DMD: variants seen among roughly 807,000 people sequenced by gnomAD.
DMD encodes the protein dystrophin, also known as mutant dystrophin.
In DMD, 63 loss-of-function variants were observed where a neutral mutation model predicts 330.1. The observed-to-expected ratio is 0.19, with a 90% CI of 0.16 to 0.24. The LOEUF (loss-of-function observed/expected upper bound fraction) is 0.24. Among genes scored for constraint, DMD ranks in the 10% least tolerant of loss-of-function variants. The pLI is 1.00. For missense variants in DMD, 3,344 were observed against 2,684.1 expected (o/e 1.25, Z -5.43); for synonymous variants, 1,223 against 959.8 (o/e 1.27, Z -5.07).
Position 33,103,075 on chromosome X carries a change from C to T in DMD, c.32-82875G>A, listed in dbSNP as rs144792579. 4.3e-3 allele frequency among the ~76,000 whole-genome samples: 480 copies of T among 111,521 alleles called. 4 individuals carry two copies. The highest frequency in any genetic ancestry group is 0.015 in the African/African-American group (463 of 30,701). On this transcript the variant is annotated intron_variant, in intron 1 of 78. Coordinates refer to ENST00000357033, the MANE Select transcript of DMD (RefSeq NM_004006.3). ...CTATTGGAATGGACACAGGAATGAG[C>T]CTATCTGGTAGGTGATTAAGGTATC...
chrX:32,858,290 T>G (rs1229658950), intron 2 of DMD, among the ~76,000 whole-genome samples: 1 of 112,176 alleles, frequency 8.9e-6, no homozygotes, highest in Non-Finnish European at 1.9e-5. Context: ...AGATTTTGCC[T>G]TCTTCTTTTA....
chrX:31,540,327 A>T (rs952105457), intron 55 of DMD, among the ~76,000 whole-genome samples: 3 of 112,139 alleles, frequency 2.7e-5, no homozygotes, highest in Non-Finnish European at 5.6e-5. Flanking sequence ...ATACATGGTA[A>T]TCAGGAGTCA....
At chrX:32,933,049 T>A (rs1262131274) in intron 2 of DMD, among the ~76,000 whole-genome samples, 1 of 111,914 alleles carries the variant, frequency 8.9e-6, no homozygotes, top group African/African-American at 3.3e-5. Context: ...ACTACCTATT[T>A]CCCTGTTTCT....
At chrX:33,063,698 A>G (rs1232888425) in intron 1 of DMD, among the ~76,000 whole-genome samples, 3 of 110,948 alleles carry the variant, frequency 2.7e-5, no homozygotes, top group Admixed American at 9.6e-5. Flanking sequence ...CTTTGCCCCT[A>G]CTACACATCA....
At chrX:31,781,091 A>T (rs747644382) in intron 50 of DMD, among the ~76,000 whole-genome samples, 1 of 112,297 alleles carries the variant, frequency 8.9e-6, no homozygotes, top group East Asian at 2.8e-4. Flanking sequence ...GATAATTGCC[A>T]CCAACACTGC....
chrX:33,179,489 C>G (rs5927150), intron 1 of DMD, among the ~76,000 whole-genome samples: 9 of 108,482 alleles, frequency 8.3e-5, no homozygotes, highest in South Asian at 4.1e-4. Context: ...GTCAGGAGAT[C>G]GAGACCATCC....
intron 51 of DMD, among the ~76,000 whole-genome samples, chrX:31,746,748 G>A (rs931153910): frequency 3.6e-5 from 4 of 110,892 alleles, no homozygotes; most frequent in African/African-American, 9.8e-5. Context: ...ATCCTTGTGA[G>A]TTTTACAAAT....
At chrX:33,011,307 C>A in intron 2 of DMD, among the ~76,000 whole-genome samples, 1 of 111,346 alleles carries the variant, frequency 9.0e-6, no homozygotes, top group Middle Eastern at 4.6e-3. Flanking sequence ...ATTATATGCC[C>A]TCTCACAACC....
intron 16 of DMD, among the ~76,000 whole-genome samples, chrX:32,562,310 G>C (rs980307749): frequency 8.9e-6 from 1 of 112,621 alleles, no homozygotes; most frequent in African/African-American, 3.2e-5. Flanking sequence ...TCAAATCTGA[G>C]TTTGAAATGC....
intron 34 of DMD, among the ~76,000 whole-genome samples, chrX:32,379,343 C>A (rs1391906107): frequency 9.1e-6 from 1 of 110,244 alleles, no homozygotes; most frequent in Non-Finnish European, 1.9e-5. Flanking sequence ...AACCTAGAAA[C>A]CTCTGCAAAG....
intron 1 of DMD, among the ~76,000 whole-genome samples, chrX:33,281,021 A>G (rs1176140941): frequency 1.8e-5 from 2 of 111,986 alleles, no homozygotes; most frequent in African/African-American, 6.5e-5. Flanking sequence ...AGATCAACTT[A>G]GAGAGAATTC....
chrX:32,730,841 T>C (rs1038681660), intron 7 of DMD, among the ~76,000 whole-genome samples: 3 of 111,805 alleles, frequency 2.7e-5, no homozygotes, highest in African/African-American at 9.8e-5. Context: ...AGAGTAGGAA[T>C]AGAGCCTACC....
In DMD at chrX:32,389,554, C is replaced by G; in HGVS notation, c.4465G>C (p.Glu1489Gln). Residue 1489 changes from glutamate to glutamine, a missense_variant, in exon 32 of 79, where the codon GAA becomes CAA. Coordinates refer to ENST00000357033, the MANE Select transcript of DMD (RefSeq NM_004006.3). ...ACTTCCTGTTCCACACTCTTTGTTT[C>G]CAATGCAGGCAAGTGCATCTTCACT... The part of the protein sequence containing the change: ...DEVKMHLPAL[E>Q]TKSVEQEVVQ... 2.5e-6 allele frequency: 3 copies of G among 1,211,030 alleles called. No homozygotes were observed. The highest frequency in any genetic ancestry group is 3.4e-6 in the Non-Finnish European group (3 of 895,000).
At chrX:33,268,290 G>A (rs771035042) in intron 1 of DMD, among the ~76,000 whole-genome samples, 2 of 110,454 alleles carry the variant, frequency 1.8e-5, no homozygotes, top group South Asian at 3.9e-4. Context: ...GCGCCCGGCC[G>A]GCAAAGAATT....
chrX:32,717,730 C>T (rs952284403), intron 7 of DMD, among the ~76,000 whole-genome samples: 8 of 111,223 alleles, frequency 7.2e-5, no homozygotes, highest in African/African-American at 2.0e-4. Flanking sequence ...TCACTCAATG[C>T]CAGCCCATGA....
chrX:32,874,312 A>G (rs1374817724), intron 2 of DMD, among the ~76,000 whole-genome samples: 1 of 112,106 alleles, frequency 8.9e-6, no homozygotes, highest in Non-Finnish European at 1.9e-5. Flanking sequence ...GATATTCTCT[A>G]TTGATACAAA....
chrX:32,771,132 C>G (rs2073550845), intron 7 of DMD, among the ~76,000 whole-genome samples: 2 of 111,928 alleles, frequency 1.8e-5, no homozygotes, highest in Non-Finnish European at 3.8e-5. Flanking sequence ...TTAGCGCATG[C>G]AATATTAATT....
chrX:32,632,705 G>T (rs2058817902), intron 11 of DMD, among the ~76,000 whole-genome samples: 1 of 103,380 alleles, frequency 9.7e-6, no homozygotes, highest in Admixed American at 1.0e-4. Flanking sequence ...GCCACAGCTG[G>T]AGCTACAGTG....
intron 47 of DMD, among the ~76,000 whole-genome samples, chrX:31,913,054 G>C (rs778741659): frequency 9.8e-5 from 11 of 112,733 alleles, no homozygotes; most frequent in African/African-American, 3.2e-4. Context: ...CTTTAGCTGA[G>C]TTCTCAGCTG....
Sources: allele counts gnomAD v4.1 joint callset (sites outside exome capture counted in the v4.1 genomes callset), GRCh38; gene constraint gnomAD v4.1.1; transcripts MANE v1.5; gene names NCBI Gene and HGNC (gene_info 2026-07-23, HGNC 2026-07-21).